The following ZC3H11A variants were observed in gnomAD, a reference collection of about 807,000 sequenced individuals.
The protein encoded by ZC3H11A is zinc finger CCCH domain-containing protein 11A.
In ZC3H11A, 22 loss-of-function variants were observed where a neutral mutation model predicts 90.8. The ratio of observed to expected loss-of-function variants is 0.24; its 90% confidence interval spans 0.17 to 0.35. ZC3H11A has a LOEUF of 0.35. Among genes scored for constraint, ZC3H11A ranks in the 10% least tolerant of loss-of-function variants. The probability of loss-of-function intolerance (pLI) is 1.00; values close to 1 mark genes in which losing one functional copy is unlikely to be tolerated. For synonymous variants in ZC3H11A, 294 were observed against 339.8 expected (o/e 0.87, Z 1.48); for missense variants, 701 against 964.9 (o/e 0.73, Z 3.62).
rs1038989425 is a variant in ZC3H11A, at chr1:203,850,699, T to C, written c.2106+18T>C. 3 of 1,608,678 alleles carry C rather than the reference T, an allele frequency of 1.9e-6. No individual in the cohort carries two copies. In the African/African-American group the frequency reaches 4.0e-5, roughly 22 times the overall value. On this transcript the variant is annotated intron_variant, in intron 16 of 17. Coordinates refer to ENST00000367210, the MANE Select transcript of ZC3H11A (RefSeq NM_001376342.1). ...CAGCTGTGGTAAGAAGTATATTCACTTTGTGGTGCTTTATTCTGTGTGGTA... is the reference window on the plus strand; with the variant it reads ...CAGCTGTGGTAAGAAGTATATTCACCTTGTGGTGCTTTATTCTGTGTGGTA...
At chr1:203,799,099 G>A in intron 1 of ZC3H11A, 1 of 1,535,766 alleles carries the variant, frequency 6.5e-7, no homozygotes. Flanking sequence ...GCAGTGCTTT[G>A]TGTTACAGGT....
At chr1:203,819,017 T>C (rs1572071695) in intron 4 of ZC3H11A, among the ~76,000 whole-genome samples, 1 of 148,982 alleles carries the variant, frequency 6.7e-6, no homozygotes, top group African/African-American at 2.5e-5. Context: ...TGCAGTGAGC[T>C]GAGATCGCAC....
chr1:203,839,335 C>A (rs1332953892), intron 11 of ZC3H11A, among the ~76,000 whole-genome samples: 1 of 152,116 alleles, frequency 6.6e-6, no homozygotes, highest in Non-Finnish European at 1.5e-5. Flanking sequence ...CACTATTGCG[C>A]CCCTCAGGGA....
At chr1:203,815,207 T>TTTTC (rs201257323) in intron 2 of ZC3H11A, among the ~76,000 whole-genome samples, 299 of 59,170 alleles carry the variant, frequency 5.1e-3, no homozygotes, top group African/African-American at 0.013. Flanking sequence ...ATTTTCTTCC[T>TTTTC]TTTCTTTTCT....
At chr1:203,828,060 G>A (rs574610914) in intron 4 of ZC3H11A, among the ~76,000 whole-genome samples, 1 of 152,064 alleles carries the variant, frequency 6.6e-6, no homozygotes, top group Non-Finnish European at 1.5e-5. Flanking sequence ...ACATTTTAGG[G>A]GTTCCAGGAT....
chr1:203,812,320 A>C (rs955227068), intron 2 of ZC3H11A, among the ~76,000 whole-genome samples: 1 of 152,030 alleles, frequency 6.6e-6, no homozygotes, highest in African/African-American at 2.4e-5. Context: ...GTTCCCCTCT[A>C]TGTGTCCAAG....
intron 1 of ZC3H11A, chr1:203,797,307 C>A: frequency 2.4e-6 from 1 of 412,528 alleles, no homozygotes. Context: ...TGGAAGGGAC[C>A]TTAAAGCCCT....
At chr1:203,812,924 G>A (rs1203747708) in intron 2 of ZC3H11A, among the ~76,000 whole-genome samples, 1 of 152,116 alleles carries the variant, frequency 6.6e-6, no homozygotes, top group African/African-American at 2.4e-5. Flanking sequence ...CCCTAATGAT[G>A]CATGATGTTG....
At chr1:203,820,769 G>A (rs753564784) in intron 4 of ZC3H11A, among the ~76,000 whole-genome samples, 3 of 151,940 alleles carry the variant, frequency 2.0e-5, no homozygotes, top group South Asian at 2.1e-4. Flanking sequence ...TGTGAGCCAC[G>A]CCCGGCGAAT....
intron 12 of ZC3H11A, among the ~76,000 whole-genome samples, chr1:203,842,463 C>G (rs1028711024): frequency 6.6e-6 from 1 of 151,952 alleles, no homozygotes; most frequent in Non-Finnish European, 1.5e-5. Context: ...TCAAGTGTGG[C>G]GGCGCGCGCC....
intron 13 of ZC3H11A, among the ~76,000 whole-genome samples, chr1:203,847,930 A>T (rs146345005): frequency 6.6e-6 from 1 of 152,150 alleles, no homozygotes; most frequent in South Asian, 2.1e-4. Flanking sequence ...ACCTTGGCTC[A>T]CTGTAGCCTC....
intron 2 of ZC3H11A, among the ~76,000 whole-genome samples, chr1:203,815,216 C>CTTTTCTTTTTTT (rs1553261508): frequency 4.1e-5 from 4 of 97,152 alleles, no homozygotes; most frequent in African/African-American, 1.6e-4. Flanking sequence ...CTTTTCTTTT[C>CTTTTCTTTTTTT]TTTTTTTTTT....
chr1:203,847,337 C>A lies in ZC3H11A; in HGVS notation c.1196C>A (p.Ser399Tyr). Residue 399 changes from serine to tyrosine, a missense_variant, in exon 13 of 18, where the codon TCC becomes TAC. Transcript: ENST00000367210. Reference sequence around the variant, plus strand: ...TCTACTTCAGGAGCAAGAAGCTCCTCCACTATCCGTATCAAAACCTTCTCT... The same window carrying A: ...TCTACTTCAGGAGCAAGAAGCTCCTACACTATCCGTATCAAAACCTTCTCT... ...DDSTSGARSS[S>Y]TIRIKTFSEV... The A allele has an allele frequency of 6.2e-7, 1 of 1,613,876 alleles. No homozygotes were observed. The highest frequency in any genetic ancestry group is 8.5e-7 in the Non-Finnish European group (1 of 1,179,862).
chr1:203,839,478 T>C (rs530365063), intron 11 of ZC3H11A, among the ~76,000 whole-genome samples: 91 of 152,272 alleles, frequency 6.0e-4, no homozygotes, highest in African/African-American at 2.1e-3. Context: ...TCTCATTGTG[T>C]TTGGTTTTAA....
chr1:203,828,496 A>G (rs912960549), intron 5 of ZC3H11A, 74 bp downstream of exon 5: 2 of 1,506,620 alleles, frequency 1.3e-6, no homozygotes, highest in Non-Finnish European at 1.8e-6. Context: ...AGTACTTTTC[A>G]GACATTGACT....
chr1:203,849,691 T>C lies in ZC3H11A; in HGVS notation c.1624-20T>C. On this transcript the variant is annotated intron_variant, in intron 14 of 17. Transcript: ENST00000367210. ...TTAGAGGTACCAGATTTTAATTCTG[T>C]CATTCAAATTTATCCACAGGCTTCA... 6.2e-7 allele frequency: 1 copy of C among 1,611,342 alleles called. No homozygotes were observed.
rs1457391881 is a variant in ZC3H11A, at chr1:203,853,887, G to A, written c.*1488G>A. ...ATAGCCCTTCTCCAAAGCAGAGGTAGAATGTTCAGGTTTCACCATGGATTT... is the reference window on the plus strand; with the variant it reads ...ATAGCCCTTCTCCAAAGCAGAGGTAAAATGTTCAGGTTTCACCATGGATTT... On this transcript the variant is annotated 3_prime_UTR_variant, in exon 18 of 18. Transcript: ENST00000367210. 3 of 152,630 alleles carry A rather than the reference G, an allele frequency of 2.0e-5. No homozygotes were observed. The highest frequency in any genetic ancestry group is 4.8e-5 in the African/African-American group (2 of 41,452). 9.5% of individuals were successfully genotyped at this position (152,630 alleles called of 1,614,324 possible). A position where few individuals can be genotyped will look rare whatever the true frequency, so the allele number is the denominator to read the frequency against.
intron 2 of ZC3H11A, among the ~76,000 whole-genome samples, chr1:203,809,734 A>T (rs1293019795): frequency 6.6e-6 from 1 of 152,034 alleles, no homozygotes. Context: ...TGGGCAGATC[A>T]CTTGAGGTCA....
At chr1:203,819,579 G>T (rs567352916) in intron 4 of ZC3H11A, among the ~76,000 whole-genome samples, 3 of 114,298 alleles carry the variant, frequency 2.6e-5, no homozygotes, top group South Asian at 5.4e-4. Context: ...TTGTTGCCCA[G>T]GCTGGAGTGT....
Sources: allele counts gnomAD v4.1 joint callset (sites outside exome capture counted in the v4.1 genomes callset), GRCh38; gene constraint gnomAD v4.1.1; transcripts MANE v1.5; gene names NCBI Gene and HGNC (gene_info 2026-07-23, HGNC 2026-07-21).